COMMD8: variants seen among roughly 807,000 people sequenced by gnomAD.
COMMD8 encodes the protein COMM domain containing 8, also known as COMM domain-containing protein 8.
In COMMD8, 28 loss-of-function variants were observed where a neutral mutation model predicts 27.2. The ratio of observed to expected loss-of-function variants is 1.03; its 90% confidence interval spans 0.76 to 1.41. COMMD8 has a LOEUF of 1.41. COMMD8 is among the 40% of genes most tolerant of loss of function. The pLI, the probability that COMMD8 is intolerant of heterozygous loss-of-function variation, is 0.00. For missense variants in COMMD8, 217 were observed against 211.2 expected (o/e 1.03, Z -0.17); for synonymous variants, 79 against 75.5 (o/e 1.05, Z -0.24).
chr4:47,463,551 G>A lies in COMMD8; in HGVS notation c.66+35C>T, dbSNP rs568325979. On this transcript the variant is annotated intron_variant, in intron 1 of 4. Coordinates refer to ENST00000381571, the MANE Select transcript of COMMD8 (RefSeq NM_017845.5). The stretch of plus-strand genomic sequence containing the variant: ...GCACGCCGGGCTGTCGCGAATCCCA[G>A]GCCCCGCGCCGCTTCCCCCGGTACC... The A allele has an allele frequency of 9.1e-6, 14 of 1,534,230 alleles. No homozygotes were observed. In the Admixed American group the frequency reaches 1.6e-4, roughly 17 times the overall value.
chr4:47,456,840 T>G (rs909738562), intron 2 of COMMD8, 111 bp from the exon 3 acceptor site: 2 of 735,718 alleles, frequency 2.7e-6, no homozygotes, highest in African/African-American at 3.7e-5. Context: ...AGAGAAATAC[T>G]TCTGTAACTA....
At chr4:47,454,961 T>C (rs534031362) in intron 3 of COMMD8, among the ~76,000 whole-genome samples, 1 of 146,782 alleles carries the variant, frequency 6.8e-6, no homozygotes, top group Admixed American at 6.8e-5. Flanking sequence ...TAAACCAAAA[T>C]AACTAAACAT....
rs114141818 is a variant in COMMD8, at chr4:47,460,193, A to G, written c.173T>C (p.Ile58Thr). The G allele has an allele frequency of 7.4e-6, 12 of 1,613,718 alleles. No homozygotes were observed. Among genetic ancestry groups the G allele is most frequent in the Admixed American group, 1.7e-5 (1 of 60,010 alleles). ...SEEWMHVLEDIAKFFKAIVGK... is the reference protein window; with the variant it reads ...SEEWMHVLEDTAKFFKAIVGK... ...AACTATGGCTTTGAAAAATTTGGCA[A>G]TATCTTCTAAAACGTGCATCCATTC... Residue 58 changes from isoleucine (I) to threonine (T), a missense_variant, in exon 2 of 5, where the codon ATT becomes ACT. Physicochemically the swap from Ile to Thr is moderately conservative, Grantham distance 89 (BLOSUM62 -1). Coordinates refer to ENST00000381571, the MANE Select transcript of COMMD8 (RefSeq NM_017845.5).
Position 47,451,627 on chromosome 4 carries a change from G to A in COMMD8, c.*18C>T. ...TGGAGCAATAAAATCTGATAGGACT[G>A]GTATTCATCATTTCCAGTTATTTCA... On this transcript the variant is annotated 3_prime_UTR_variant, in exon 5 of 5. Coordinates refer to ENST00000381571, the MANE Select transcript of COMMD8 (RefSeq NM_017845.5). 6.3e-7 allele frequency: 1 copy of A among 1,580,250 alleles called. No homozygotes were observed. The highest frequency in any genetic ancestry group is 8.6e-7 in the Non-Finnish European group (1 of 1,162,282).
intron 1 of COMMD8, among the ~76,000 whole-genome samples, chr4:47,460,674 A>G (rs554677469): frequency 6.6e-6 from 1 of 152,104 alleles, no homozygotes; most frequent in African/African-American, 2.4e-5. Flanking sequence ...CCATTTTCAC[A>G]ACATACTTTT....
At chr4:47,457,014 C>G (rs1729912703) in intron 2 of COMMD8, among the ~76,000 whole-genome samples, 1 of 152,154 alleles carries the variant, frequency 6.6e-6, no homozygotes, top group Non-Finnish European at 1.5e-5. Flanking sequence ...TATCTCAAAT[C>G]CCAAAACAGG....
Position 47,463,462 on chromosome 4 carries a change from G to A in COMMD8, c.66+124C>T, listed in dbSNP as rs1241007233. The A allele has an allele frequency of 1.5e-5, 13 of 893,034 alleles. No homozygotes were observed. The Admixed American group carries it at 3.4e-4, about 23-fold the overall frequency. 55.3% of individuals were successfully genotyped at this position (893,034 alleles called of 1,614,324 possible). A position where few individuals can be genotyped will look rare whatever the true frequency, so the allele number is the denominator to read the frequency against. ...GCGGGGACCAACCACCCGAAATCAC[G>A]CCCCTTCCTCCTCCCTTCCCTAGGG... On this transcript the variant is annotated intron_variant, in intron 1 of 4. Transcript: ENST00000381571.
At chr4:47,462,598 G>A (rs1009601388) in intron 1 of COMMD8, among the ~76,000 whole-genome samples, 2 of 152,260 alleles carry the variant, frequency 1.3e-5, no homozygotes, top group South Asian at 4.2e-4. Flanking sequence ...TAAAGATTTA[G>A]AAGTCATCGA....
chr4:47,452,086 G>A (rs1272986385), intron 4 of COMMD8, among the ~76,000 whole-genome samples: 1 of 152,234 alleles, frequency 6.6e-6, no homozygotes, highest in Non-Finnish European at 1.5e-5. Flanking sequence ...TCACTGAGAT[G>A]AGATCACTAG....
chr4:47,453,960 C>G (rs184852400), intron 3 of COMMD8, among the ~76,000 whole-genome samples: 3 of 152,282 alleles, frequency 2.0e-5, no homozygotes, highest in African/African-American at 2.4e-5. Flanking sequence ...TCCCTAATGA[C>G]CTCAAAGGAT....
At position 47,460,255 on chromosome 4, in the gene COMMD8, A is replaced by G; in HGVS notation, c.111T>C (p.Pro37=). 6.2e-7 allele frequency: 1 copy of G among 1,612,924 alleles called. No individual in the cohort carries two copies. The highest frequency in any genetic ancestry group is 1.1e-5 in the South Asian group (1 of 90,824). Reference sequence around the variant, plus strand: ...AAACAGTGTGATAATCTTGGTACACAGGATAAGCTCGACCACAAATGCCAT... The same window carrying G: ...AAACAGTGTGATAATCTTGGTACACGGGATAAGCTCGACCACAAATGCCAT... ...IIDGICGRAY[P]VYQDYHTVWE... The change falls in exon 2 of 5, where the codon CCT becomes CCC. Residue 37 remains proline (P), a synonymous_variant. Coordinates refer to ENST00000381571, the MANE Select transcript of COMMD8 (RefSeq NM_017845.5).
rs1729981373 is a variant in COMMD8 at position 47,459,939 on chromosome 4, T to C, written c.222+205A>G. The C allele has an allele frequency of 6.9e-6, 3 of 432,678 alleles. No individual in the cohort carries two copies. The East Asian group carries it at 1.1e-4, about 16-fold the overall frequency. 26.8% of individuals were successfully genotyped at this position (432,678 alleles called of 1,614,324 possible). A position where few individuals can be genotyped will look rare whatever the true frequency, so the allele number is the denominator to read the frequency against. ...TTATATAATTTCTTGTTTTCTTCTGTATGTTTTAAATGTTTCACAAAAGAG... is the reference window on the plus strand; with the variant it reads ...TTATATAATTTCTTGTTTTCTTCTGCATGTTTTAAATGTTTCACAAAAGAG... On this transcript the variant is annotated intron_variant, in intron 2 of 4. Coordinates refer to ENST00000381571, the MANE Select transcript of COMMD8 (RefSeq NM_017845.5).
chr4:47,463,465 C>G (rs1730120535), intron 1 of COMMD8, 121 bp downstream of exon 1: 2 of 925,706 alleles, frequency 2.2e-6, no homozygotes, highest in Non-Finnish European at 3.2e-6. Flanking sequence ...AAATCACGCC[C>G]CTTCCTCCTC....
Position 47,451,557 on chromosome 4 carries a change from A to G in COMMD8, c.*88T>C. Reference sequence around the variant, plus strand: ...CTCAGCCTGGTGCAACAGTCAAGACATCACAAGGTTTCTGAACACGCAGTA... The same window carrying G: ...CTCAGCCTGGTGCAACAGTCAAGACGTCACAAGGTTTCTGAACACGCAGTA... On this transcript the variant is annotated 3_prime_UTR_variant, in exon 5 of 5. Coordinates refer to ENST00000381571, the MANE Select transcript of COMMD8 (RefSeq NM_017845.5). 5 of 997,562 alleles carry G rather than the reference A, an allele frequency of 5.0e-6. No individual in the cohort carries two copies. The South Asian group carries it at 5.3e-5, about 11-fold the overall frequency. The allele number at this position is 997,562 out of a possible 1,614,324, so 61.8% of individuals were successfully genotyped here.
intron 1 of COMMD8, among the ~76,000 whole-genome samples, chr4:47,462,696 A>T (rs976564034): frequency 2.6e-5 from 4 of 152,228 alleles, no homozygotes; most frequent in Admixed American, 2.6e-4. Flanking sequence ...ACTCAGAATC[A>T]ACAGATCTGA....
chr4:47,453,007 A>G, intron 4 of COMMD8, 52 bp downstream of exon 4: 1 of 1,510,716 alleles, frequency 6.6e-7, no homozygotes, highest in Non-Finnish European at 8.9e-7. Flanking sequence ...AAACAAAAAA[A>G]AACCCCAAAA....
At chr4:47,463,440 G>A (rs974508220) in intron 1 of COMMD8, 146 bp downstream of exon 1, 2 of 749,284 alleles carry the variant, frequency 2.7e-6, no homozygotes, top group East Asian at 2.9e-5. Flanking sequence ...AGGGAAGGCG[G>A]GGACCAACCA....
At chr4:47,453,029 CA>C in intron 4 of COMMD8, 29 bp downstream of exon 4, 1 of 1,568,766 alleles carries the variant, frequency 6.4e-7, no homozygotes, top group Admixed American at 1.9e-5. Context: ...CTTAAACATT[CA>C]AATCATATGA....
chr4:47,460,101 A>G, intron 2 of COMMD8, 43 bp downstream of exon 2: 1 of 1,545,730 alleles, frequency 6.5e-7, no homozygotes, highest in Non-Finnish European at 8.9e-7. Flanking sequence ...GAGAAACCTG[A>G]GCATTATTTA....
Sources: gnomAD v4.1 joint callset for allele counts (sites outside exome capture counted in the v4.1 genomes callset) on GRCh38, gnomAD v4.1.1 for gene constraint, MANE v1.5 for transcripts, NCBI Gene and HGNC (gene_info 2026-07-23, HGNC 2026-07-21) for gene names.